MATN2: variants seen among roughly 807,000 people sequenced by gnomAD.
MATN2 encodes the protein matrilin 2, also known as matrilin-2.
MATN2 carries 69 observed loss-of-function variants against 103.2 expected under a neutral mutation model. The ratio of observed to expected loss-of-function variants is 0.67; its 90% confidence interval spans 0.55 to 0.82. The LOEUF is 0.82. Ranked by LOEUF, MATN2 falls within the 40% of genes least tolerant of loss-of-function variation. The probability of loss-of-function intolerance (pLI) is 0.00; values close to 1 mark genes in which losing one functional copy is unlikely to be tolerated. For synonymous variants in MATN2, 429 were observed against 450.2 expected, an observed-to-expected ratio of 0.95 and a Z score of 0.60; for missense variants, 1,023 against 1,211.5, an observed-to-expected ratio of 0.84 and a Z score of 2.31.
At chr8:97,925,116 C>A (rs1226192677) in intron 2 of MATN2, among the ~76,000 whole-genome samples, 1 of 151,822 alleles carries the variant, frequency 6.6e-6, no homozygotes, top group Non-Finnish European at 1.5e-5. Flanking sequence ...GATTTATAGA[C>A]AAAAAAAGGG....
chr8:97,969,188 A>T (rs1344296727), intron 5 of MATN2, among the ~76,000 whole-genome samples: 2 of 152,208 alleles, frequency 1.3e-5, no homozygotes, highest in Non-Finnish European at 2.9e-5. Context: ...CTCATCACCT[A>T]GGGGTGGTGC....
chr8:98,032,996 CA>C, intron 16 of MATN2, 45 bp from the exon 17 acceptor site: 1 of 1,565,126 alleles, frequency 6.4e-7, no homozygotes, highest in Non-Finnish European at 8.6e-7. Context: ...GTTTTATAAC[CA>C]AAAGCGTTAA....
At chr8:97,997,048 A>G (rs775069495) in intron 7 of MATN2, among the ~76,000 whole-genome samples, 7 of 152,220 alleles carry the variant, frequency 4.6e-5, no homozygotes, top group Admixed American at 1.3e-4. Context: ...ATTTCTCCTC[A>G]TGGAGAGTGC....
chr8:98,017,780 C>T (rs1432943981), intron 11 of MATN2, among the ~76,000 whole-genome samples: 1 of 152,118 alleles, frequency 6.6e-6, no homozygotes, highest in Non-Finnish European at 1.5e-5. Flanking sequence ...TGCTGGTGAA[C>T]GATGATGGTG....
At chr8:97,963,822 C>T (rs1188363910) in intron 5 of MATN2, among the ~76,000 whole-genome samples, 5 of 152,182 alleles carry the variant, frequency 3.3e-5, no homozygotes, top group Non-Finnish European at 7.3e-5. Context: ...TCACTAAGCA[C>T]TCGATCTGTT....
At chr8:98,018,214 T>A (rs1586161717) in intron 12 of MATN2, 98 bp downstream of exon 12, 1 of 1,458,492 alleles carries the variant, frequency 6.9e-7, no homozygotes, top group East Asian at 2.3e-5. Flanking sequence ...ATTACCACTG[T>A]CACAAGTGTC....
At chr8:97,919,571 C>G (rs560054243) in intron 2 of MATN2, among the ~76,000 whole-genome samples, 3 of 152,294 alleles carry the variant, frequency 2.0e-5, no homozygotes, top group Admixed American at 2.0e-4. Flanking sequence ...TGTCGAGTAT[C>G]CCAGCTGCAA....
rs149720008 is a variant in MATN2, at chr8:97,925,154, G to A, written c.143-5799G>A. 4.5e-3 allele frequency among the ~76,000 whole-genome samples: 680 copies of A among 152,192 alleles called. 5 individuals are homozygous for A. Among genetic ancestry groups the A allele is most frequent in the Admixed American group, 0.012 (176 of 15,280 alleles). On this transcript the variant is annotated intron_variant, in intron 2 of 18. Transcript: ENST00000254898. ...ATGATGTACAGAAATCAAAAGTGAG[G>A]TACACAGCGGGTGGATTGGCTACAG... is the stretch of plus-strand genomic sequence containing the variant.
chr8:97,929,778 G>T (rs910138439), intron 2 of MATN2, among the ~76,000 whole-genome samples: 4 of 152,110 alleles, frequency 2.6e-5, no homozygotes, highest in African/African-American at 9.7e-5. Flanking sequence ...AATGAGATTA[G>T]TCCAGAAATT....
chr8:97,928,985 T>C (rs1314292476), intron 2 of MATN2, among the ~76,000 whole-genome samples: 1 of 152,164 alleles, frequency 6.6e-6, no homozygotes, highest in East Asian at 1.9e-4. Context: ...GCTCTGGAAA[T>C]GTTAGGTTTC....
intron 5 of MATN2, among the ~76,000 whole-genome samples, chr8:97,970,849 G>A (rs1023246579): frequency 1.3e-5 from 2 of 152,100 alleles, no homozygotes; most frequent in Admixed American, 1.3e-4. Context: ...TACTCAGGAG[G>A]GAAGATTGCT....
chr8:97,907,733 T>C (rs901497091), intron 2 of MATN2, among the ~76,000 whole-genome samples: 1 of 152,172 alleles, frequency 6.6e-6, no homozygotes, highest in Non-Finnish European at 1.5e-5. Flanking sequence ...AGGATAATAA[T>C]GATACCTCCC....
intron 2 of MATN2, among the ~76,000 whole-genome samples, chr8:97,889,459 C>CTTTATATATATATATATA (rs1818554246): frequency 1.5e-4 from 18 of 123,366 alleles, no homozygotes; most frequent in Middle Eastern, 4.2e-3. Flanking sequence ...CTCTCTCTGT[C>CTTTATATATATATATATA]TATATATATA....
At chr8:98,022,146 GT>G (rs1813614075) in intron 13 of MATN2, among the ~76,000 whole-genome samples, 1 of 152,196 alleles carries the variant, frequency 6.6e-6, no homozygotes, top group African/African-American at 2.4e-5. Flanking sequence ...GCACATCTAT[GT>G]AATAAAACAT....
intron 10 of MATN2, among the ~76,000 whole-genome samples, chr8:98,015,161 T>C (rs1813315808): frequency 6.6e-6 from 1 of 152,192 alleles, no homozygotes; most frequent in African/African-American, 2.4e-5. Context: ...TATGGGCTCT[T>C]TGTATTAATC....
At chr8:97,989,803 A>C (rs994666521) in intron 6 of MATN2, among the ~76,000 whole-genome samples, 2 of 152,210 alleles carry the variant, frequency 1.3e-5, no homozygotes, top group African/African-American at 4.8e-5. Flanking sequence ...TGAATTTATC[A>C]AGGTTGCAGG....
rs1812091942 is a variant in MATN2 at position 97,983,467 on chromosome 8, A to G, written c.1081+4459A>G. 3.3e-5 allele frequency among the ~76,000 whole-genome samples: 5 copies of G among 152,294 alleles called. No individual in the cohort carries two copies. In the South Asian group the frequency reaches 1.0e-3, roughly 32 times the overall value. On this transcript the variant is annotated intron_variant, in intron 6 of 18. Transcript: ENST00000254898. ...CCCTTATTCTTGAGCCAAGCATGAG[A>G]AAGAACACTCTCAGATATCCAGGGT... is the stretch of plus-strand genomic sequence containing the variant.
intron 8 of MATN2, 51 bp downstream of exon 8, chr8:98,003,834 G>A (rs1287255221): frequency 1.2e-5 from 19 of 1,607,890 alleles, no homozygotes; most frequent in Non-Finnish European, 1.6e-5. Flanking sequence ...GTCCACTCAT[G>A]GGGGCGGGCG....
chr8:97,972,985 T>C (rs565629014), intron 5 of MATN2, among the ~76,000 whole-genome samples: 4 of 152,366 alleles, frequency 2.6e-5, no homozygotes, highest in Non-Finnish European at 5.9e-5. Flanking sequence ...TTGACCTCTC[T>C]TTTTATGAGT....
Sources: allele counts gnomAD v4.1 joint callset (sites outside exome capture counted in the v4.1 genomes callset), GRCh38; gene constraint gnomAD v4.1.1; transcripts MANE v1.5; gene names NCBI Gene and HGNC (gene_info 2026-07-23, HGNC 2026-07-21).